Variants in LGR5 observed in about 807,000 individuals in gnomAD.
The protein encoded by LGR5 is leucine rich repeat containing G protein-coupled receptor 5.
A neutral mutation model predicts 76.7 loss-of-function variants in LGR5; 54 were observed. That is an observed-to-expected ratio of 0.70 (90% CI 0.57 to 0.88). The LOEUF (loss-of-function observed/expected upper bound fraction) is 0.88. LGR5 is among the 40% of genes least tolerant of loss of function. The pLI, the probability that LGR5 is intolerant of heterozygous loss-of-function variation, is 0.00. For missense variants in LGR5, 1,078 were observed against 1,073.3 expected (o/e 1.00, Z -0.06); for synonymous variants, 406 against 421.9 (o/e 0.96, Z 0.46).
At chr12:71,481,391 C>G (rs1873594240) in intron 1 of LGR5, among the ~76,000 whole-genome samples, 1 of 152,132 alleles carries the variant, frequency 6.6e-6, no homozygotes, top group Non-Finnish European at 1.5e-5. Flanking sequence ...ATGATGGCTT[C>G]TAGCTTCATC....
intron 1 of LGR5, among the ~76,000 whole-genome samples, chr12:71,485,151 G>C (rs1312728880): frequency 6.6e-6 from 1 of 152,120 alleles, no homozygotes; most frequent in Non-Finnish European, 1.5e-5. Flanking sequence ...AGGTAAAAAA[G>C]AGAAAGAGAG....
At chr12:71,466,683 T>A (rs986749802) in intron 1 of LGR5, among the ~76,000 whole-genome samples, 1 of 151,962 alleles carries the variant, frequency 6.6e-6, no homozygotes, top group Non-Finnish European at 1.5e-5. Flanking sequence ...TTTTTTTTTT[T>A]ATGAGTAGTA....
chr12:71,552,157 T>C (rs1877516421), intron 4 of LGR5, among the ~76,000 whole-genome samples: 1 of 152,060 alleles, frequency 6.6e-6, no homozygotes, highest in Non-Finnish European at 1.5e-5. Flanking sequence ...ACCTAGATGA[T>C]GTGTTGATAG....
intron 4 of LGR5, among the ~76,000 whole-genome samples, chr12:71,542,441 G>C (rs1251673392): frequency 6.6e-6 from 1 of 152,142 alleles, no homozygotes; most frequent in Non-Finnish European, 1.5e-5. Flanking sequence ...AAGGATTTCA[G>C]TCTTTACTGT....
intron 4 of LGR5, among the ~76,000 whole-genome samples, chr12:71,551,215 G>T (rs1443607474): frequency 2.0e-5 from 3 of 152,244 alleles, no homozygotes; most frequent in African/African-American, 7.2e-5. Flanking sequence ...GGCATCGCTT[G>T]TTCCTTCCCA....
In LGR5 at chr12:71,495,588, C is replaced by A. The variant is rs117413659; in HGVS notation, c.213-9026C>A. Among the ~76,000 whole-genome samples the A allele has an allele frequency of 2.5e-3, 371 of 151,326 alleles. 3 individuals carry two copies. Among genetic ancestry groups the A allele is most frequent in the Non-Finnish European group, 3.4e-3 (230 of 68,016 alleles). ...AATTTTACTTTAACATTTCTCATAA[C>A]AATTTTATGAAGTAGTTACTATTAT... On this transcript the variant is annotated intron_variant, in intron 1 of 17. Transcript: ENST00000266674.
chr12:71,554,680 G>A (rs1366939370), intron 5 of LGR5, among the ~76,000 whole-genome samples: 2 of 152,200 alleles, frequency 1.3e-5, no homozygotes, highest in Admixed American at 6.5e-5. Flanking sequence ...AGGCAAGATG[G>A]AGTCGGTTAG....
At chr12:71,474,940 G>A (rs1461794893) in intron 1 of LGR5, among the ~76,000 whole-genome samples, 2 of 152,188 alleles carry the variant, frequency 1.3e-5, no homozygotes, top group African/African-American at 2.4e-5. Context: ...AGAAGATTCC[G>A]TTGGTGTGCT....
intron 1 of LGR5, among the ~76,000 whole-genome samples, chr12:71,492,523 T>C (rs1304597801): frequency 6.6e-6 from 1 of 152,220 alleles, no homozygotes; most frequent in Non-Finnish European, 1.5e-5. Flanking sequence ...ACCAACACTG[T>C]GTATACATGA....
intron 2 of LGR5, among the ~76,000 whole-genome samples, chr12:71,507,749 CTG>C (rs1874928170): frequency 6.6e-6 from 1 of 151,972 alleles, no homozygotes; most frequent in African/African-American, 2.4e-5. Flanking sequence ...CTCTCTCTCT[CTG>C]GGTGTGTGTG....
At chr12:71,521,766 T>C (rs1875738861) in intron 2 of LGR5, among the ~76,000 whole-genome samples, 1 of 152,212 alleles carries the variant, frequency 6.6e-6, no homozygotes, top group Non-Finnish European at 1.5e-5. Context: ...TGGGGCAACC[T>C]ACTTTCAGAC....
At chr12:71,483,592 C>T (rs948625426) in intron 1 of LGR5, among the ~76,000 whole-genome samples, 1 of 152,164 alleles carries the variant, frequency 6.6e-6, no homozygotes, top group African/African-American at 2.4e-5. Context: ...AGCATAGCAG[C>T]AAAGGGGCTG....
chr12:71,492,247 C>T (rs35836540), intron 1 of LGR5, among the ~76,000 whole-genome samples: 17,066 of 152,098 alleles, frequency 0.11, 1,084 homozygotes, highest in African/African-American at 0.16. Flanking sequence ...GATCAGAGAC[C>T]TCTAGGGTTA....
chr12:71,578,283 C>A (rs1035871840), intron 14 of LGR5, among the ~76,000 whole-genome samples: 1 of 152,154 alleles, frequency 6.6e-6, no homozygotes, highest in African/African-American at 2.4e-5. Flanking sequence ...GATGTCAATT[C>A]AGGTCTGAAG....
Position 71,583,842 on chromosome 12 carries a change from C to T in LGR5, c.1832C>T (p.Ala611Val), listed in dbSNP as rs776164198. The stretch of plus-strand genomic sequence containing the variant: ...AACATGCTCACGGGAGTCTCCAGTG[C>T]CGTGCTGGCTGGTGTGGATGCGTTC... ...AVNMLTGVSS[A>V]VLAGVDAFTF... The change falls in exon 18 of 18, where the codon GCC becomes GTC. Residue 611 changes from alanine to valine, a missense_variant. Physicochemically the swap from Ala to Val is moderately conservative, Grantham distance 64. Transcript: ENST00000266674. 4 of 1,614,156 alleles carry T rather than the reference C, an allele frequency of 2.5e-6. No individual in the cohort carries two copies. The South Asian group carries it at 3.3e-5, about 13-fold the overall frequency.
intron 1 of LGR5, among the ~76,000 whole-genome samples, chr12:71,486,787 A>G (rs1234397054): frequency 2.6e-4 from 39 of 152,084 alleles, no homozygotes; most frequent in Non-Finnish European, 8.8e-5. Flanking sequence ...TTGTTGAAAT[A>G]CTAATAAGTT....
chr12:71,468,359 C>CAA (rs142742827), intron 1 of LGR5, among the ~76,000 whole-genome samples: 1 of 151,964 alleles, frequency 6.6e-6, no homozygotes, highest in African/African-American at 2.4e-5. Flanking sequence ...AGCTTTGTGG[C>CAA]AAAAAAATGT....
At chr12:71,548,447 C>A (rs1399271246) in intron 4 of LGR5, among the ~76,000 whole-genome samples, 1 of 152,068 alleles carries the variant, frequency 6.6e-6, no homozygotes, top group Non-Finnish European at 1.5e-5. Context: ...AAAGAAATAG[C>A]CTGCATTTCT....
intron 1 of LGR5, among the ~76,000 whole-genome samples, chr12:71,451,270 C>T (rs980078509): frequency 2.0e-4 from 31 of 152,142 alleles, no homozygotes; most frequent in Middle Eastern, 3.2e-3. Context: ...GGACAAAACT[C>T]GATGCTTGGG....
Sources: gnomAD v4.1 joint callset for allele counts (sites outside exome capture counted in the v4.1 genomes callset) on GRCh38, gnomAD v4.1.1 for gene constraint, MANE v1.5 for transcripts, NCBI Gene and HGNC (gene_info 2026-07-23, HGNC 2026-07-21) for gene names.